PDS5A: variants seen among roughly 807,000 people sequenced by gnomAD.
PDS5A encodes the protein PDS5 cohesin associated factor A, also known as sister chromatid cohesion protein PDS5 homolog A.
In PDS5A, 42 loss-of-function variants were observed where a neutral mutation model predicts 167.1. The ratio of observed to expected loss-of-function variants is 0.25; its 90% confidence interval spans 0.20 to 0.33. The LOEUF is 0.33. PDS5A is among the 10% of genes least tolerant of loss of function. PDS5A has a pLI of 1.00. For missense variants in PDS5A, 1,033 were observed against 1,605.9 expected (o/e 0.64, Z 6.10); for synonymous variants, 553 against 554.6 (o/e 1.00, Z 0.04).
At chr4:39,838,246 CT>C in intron 31 of PDS5A, 38 bp from the exon 32 acceptor site, 1 of 1,317,004 alleles carries the variant, frequency 7.6e-7, no homozygotes, top group Admixed American at 2.7e-5. Flanking sequence ...ACACAAATTC[CT>C]TAAATATTAA....
chr4:39,973,708 C>T, intron 2 of PDS5A: 1 of 1,285,704 alleles, frequency 7.8e-7, no homozygotes, highest in Non-Finnish European at 1.1e-6. Context: ...GTGCCAGGCT[C>T]ACTTCACTAA....
rs769185051 is a variant in PDS5A at position 39,862,938 on chromosome 4, C to A, written c.2902G>T (p.Ala968Ser). 4.3e-6 allele frequency: 7 copies of A among 1,613,208 alleles called. No homozygotes were observed. The Admixed American group carries it at 1.0e-4, about 23-fold the overall frequency. Residue 968 changes from alanine to serine, a missense_variant, in exon 25 of 33, where the codon GCA (alanine) becomes TCA (serine). Ala to Ser is a moderately conservative substitution (Grantham distance 99). Coordinates refer to ENST00000303538, the MANE Select transcript of PDS5A (RefSeq NM_001100399.2). ...ATATTTTTCAGTAAACATTGTCGTG[C>A]GTGTGCTCTTCTCTCCTTCACAGGA... Reference protein sequence around the residue: ...KDPVKERRAHARQCLLKNISI... With the variant: ...KDPVKERRAHSRQCLLKNISI...
intron 32 of PDS5A, among the ~76,000 whole-genome samples, chr4:39,827,226 C>CTGACCTAG (rs1209587505): frequency 6.6e-6 from 1 of 152,110 alleles, no homozygotes; most frequent in East Asian, 1.9e-4. Flanking sequence ...TCTTGAACTC[C>CTGACCTAG]TGACCTAGTG....
rs140278708 is a variant in PDS5A at position 39,960,584 on chromosome 4, T to C, written c.138+15856A>G. 4.7e-3 allele frequency among the ~76,000 whole-genome samples: 715 copies of C among 152,182 alleles called. 8 individuals are homozygous for C. The highest frequency in any genetic ancestry group is 0.016 in the African/African-American group (674 of 41,536). ...TTTTAAGAGACAGGGTCTTCCTCTG[T>C]CACACAGGCTAGAGTGCAATGGTGC... On this transcript the variant is annotated intron_variant, in intron 2 of 32. Coordinates refer to ENST00000303538, the MANE Select transcript of PDS5A (RefSeq NM_001100399.2).
At position 39,842,018 on chromosome 4, in the gene PDS5A, T is replaced by C; in HGVS notation, c.3587A>G (p.Glu1196Gly). 1 of 1,609,860 alleles carries C rather than the reference T, an allele frequency of 6.2e-7. No homozygotes were observed. Among genetic ancestry groups the C allele is most frequent in the Non-Finnish European group, 8.5e-7 (1 of 1,176,144 alleles). The change falls in exon 31 of 33, where the codon GAA (glutamate) becomes GGA (glycine). Residue 1196 changes from glutamate (E) to glycine (G), a missense_variant. This residue lies in a region of PDS5A where 233 missense variants were observed against 264.0 expected (regional missense o/e 0.88). Transcript: ENST00000303538. ...AATCCTCACAGGGTTCTCTTCATTT[T>C]CACTAACTCCAGTTTCTGCTGCCTC... Reference protein sequence around the residue: ...SSEAAETGVSENEENPVRIIS... With the variant: ...SSEAAETGVSGNEENPVRIIS...
chr4:39,834,282 T>C (rs904537171), intron 32 of PDS5A, among the ~76,000 whole-genome samples: 1 of 152,144 alleles, frequency 6.6e-6, no homozygotes, highest in Non-Finnish European at 1.5e-5. Flanking sequence ...TGGCAATAGT[T>C]TTTTGGGATG....
chr4:39,921,475 C>G (rs1328485946), intron 6 of PDS5A, among the ~76,000 whole-genome samples: 1 of 151,792 alleles, frequency 6.6e-6, no homozygotes, highest in Non-Finnish European at 1.5e-5. Flanking sequence ...GTTGCTCATG[C>G]CTGTAATCTC....
At chr4:39,881,302 G>A (rs1283554179) in intron 17 of PDS5A, among the ~76,000 whole-genome samples, 1 of 151,292 alleles carries the variant, frequency 6.6e-6, no homozygotes, top group Non-Finnish European at 1.5e-5. Flanking sequence ...TCTTTTGGAT[G>A]TATACCTAGT....
rs201851264 is a variant in PDS5A, at chr4:39,873,062, G to A, written c.2360C>T (p.Ala787Val). Residue 787 changes from alanine (A) to valine (V), a missense_variant, in exon 21 of 33, where the codon GCA (alanine) becomes GTA (valine). Physicochemically the swap from Ala to Val is moderately conservative, Grantham distance 64 (BLOSUM62 0). This residue lies in a region of PDS5A where 367 missense variants were observed against 686.7 expected (regional missense o/e 0.53). Transcript: ENST00000303538. ...CATTGGGGAAGCAAACTGATCTGGT[G>A]CTAACATAGAAATGTGGCCCAATGA... Reference protein sequence around the residue: ...LVSLGHISMLAPDQFASPMKS... With the variant: ...LVSLGHISMLVPDQFASPMKS... The A allele has an allele frequency of 4.5e-6, 7 of 1,558,336 alleles. No individual in the cohort carries two copies. The highest frequency in any genetic ancestry group is 6.1e-6 in the Non-Finnish European group (7 of 1,142,314).
chr4:39,903,724 C>G (rs17511298), intron 12 of PDS5A, among the ~76,000 whole-genome samples: 69,541 of 151,894 alleles, frequency 0.46, 16,448 homozygotes, highest in East Asian at 0.66. Flanking sequence ...CGCACAAGAC[C>G]TTAATGAACC....
intron 26 of PDS5A, among the ~76,000 whole-genome samples, chr4:39,861,007 T>C (rs1304965367): frequency 6.6e-6 from 1 of 150,430 alleles, no homozygotes; most frequent in African/African-American, 2.5e-5. Flanking sequence ...CAAGGTACAA[T>C]GAGCCCTGAT....
intron 32 of PDS5A, among the ~76,000 whole-genome samples, chr4:39,833,897 G>A (rs1408340268): frequency 6.6e-6 from 1 of 152,176 alleles, no homozygotes. Flanking sequence ...CCACTCAATG[G>A]CTGTTAAAAC....
chr4:39,823,423 T>C lies in PDS5A; in HGVS notation c.*2062A>G, dbSNP rs1291419462. On this transcript the variant is annotated 3_prime_UTR_variant, in exon 33 of 33. Transcript: ENST00000303538. ...AATATATTGATGCAGATGGTTCTGC[T>C]ACATTTTATTTAATATGATGTAACA... 1 of 152,480 alleles carries C rather than the reference T, an allele frequency of 6.6e-6. No homozygotes were observed. Among genetic ancestry groups the C allele is most frequent in the Non-Finnish European group, 1.5e-5 (1 of 68,036 alleles). The allele number at this position is 152,480 out of a possible 1,614,324, so 9.4% of individuals were successfully genotyped here. A position where few individuals can be genotyped will look rare whatever the true frequency, so the allele number is the denominator to read the frequency against.
chr4:39,840,377 G>A (rs1453885273), intron 31 of PDS5A, among the ~76,000 whole-genome samples: 1 of 152,228 alleles, frequency 6.6e-6, no homozygotes, highest in Non-Finnish European at 1.5e-5. Flanking sequence ...GCTCACGCCT[G>A]TAATCTCAGC....
chr4:39,949,301 CAAAAAAA>C (rs71645201), intron 2 of PDS5A, among the ~76,000 whole-genome samples: 2 of 93,942 alleles, frequency 2.1e-5, no homozygotes, highest in Non-Finnish European at 3.9e-5. Context: ...GAACCTATCT[CAAAAAAA>C]AAAAAAAAAA....
chr4:39,910,246 G>A lies in PDS5A; in HGVS notation c.1085C>T (p.Thr362Ile). The A allele has an allele frequency of 6.6e-7, 1 of 1,524,460 alleles. No homozygotes were observed. Among genetic ancestry groups the A allele is most frequent in the Non-Finnish European group, 9.0e-7 (1 of 1,105,468 alleles). 94.4% of individuals were successfully genotyped at this position (1,524,460 alleles called of 1,614,324 possible). A position where few individuals can be genotyped will look rare whatever the true frequency, so the allele number is the denominator to read the frequency against. Residue 362 changes from threonine to isoleucine, a missense_variant and splice_region_variant, in exon 10 of 33, where the codon ACA becomes ATA. By Grantham distance (89) the Thr-to-Ile change is moderately conservative (BLOSUM62 -1). This residue lies in a region of PDS5A where 388 missense variants were observed against 615.1 expected (regional missense o/e 0.63). Coordinates refer to ENST00000303538, the MANE Select transcript of PDS5A (RefSeq NM_001100399.2). ...MNHPDLAKDL[T>I]EYLKVRSHDP... ...GTGTAATAAACCAGCTAGCTTACCT[G>A]TGAGATCCTTCGCTAAATCTGGGTG...
At chr4:39,935,573 G>GA (rs1726518113) in intron 2 of PDS5A, among the ~76,000 whole-genome samples, 1 of 151,972 alleles carries the variant, frequency 6.6e-6, no homozygotes, top group East Asian at 1.9e-4. Flanking sequence ...CATCTTTGTT[G>GA]AAAAAAACTG....
chr4:39,898,563 G>GAAA (rs533091119), intron 15 of PDS5A, 35 bp from the exon 16 acceptor site: 24 of 1,028,562 alleles, frequency 2.3e-5, no homozygotes, highest in South Asian at 8.2e-5. Context: ...ATTAGAGAAG[G>GAAA]AAAAAAAAAA....
At chr4:39,901,961 G>T (rs1294571137) in intron 13 of PDS5A, among the ~76,000 whole-genome samples, 1 of 152,022 alleles carries the variant, frequency 6.6e-6, no homozygotes, top group Admixed American at 6.6e-5. Flanking sequence ...TAATCCAGTT[G>T]GACCATTAAT....
Sources: allele counts gnomAD v4.1 joint callset (sites outside exome capture counted in the v4.1 genomes callset), GRCh38; gene constraint gnomAD v4.1.1; regional missense constraint gnomAD v4.1.1; transcripts MANE v1.5; gene names NCBI Gene and HGNC (gene_info 2026-07-23, HGNC 2026-07-21).